DHRS7: variants seen among roughly 807,000 people sequenced by gnomAD.
The protein encoded by DHRS7 is dehydrogenase/reductase 7.
Under a neutral mutation model 38.9 loss-of-function variants are expected in DHRS7, and 34 were observed. That is an observed-to-expected ratio of 0.87 (90% confidence interval 0.66 to 1.16). The LOEUF is 1.16. Ranked by LOEUF, DHRS7 falls within the 50% of genes most tolerant of loss-of-function variation. The pLI, the probability that DHRS7 is intolerant of heterozygous loss-of-function variation, is 0.00. For synonymous variants in DHRS7, 158 were observed against 153.1 expected (o/e 1.03, Z -0.24); for missense variants, 421 against 407.0 (o/e 1.03, Z -0.30).
At chr14:60,158,202 C>T (rs2140606662) in intron 1 of DHRS7, among the ~76,000 whole-genome samples, 1 of 135,638 alleles carries the variant, frequency 7.4e-6, no homozygotes, top group African/African-American at 2.9e-5. Context: ...CACTGCACTC[C>T]AGCATGGGTG....
intron 4 of DHRS7, among the ~76,000 whole-genome samples, chr14:60,150,468 C>T (rs1029887162): frequency 1.3e-5 from 2 of 151,958 alleles, no homozygotes; most frequent in Non-Finnish European, 1.5e-5. Flanking sequence ...CGTCCCCACT[C>T]CCCCCACCCC....
rs1896838594 is a variant in DHRS7, at chr14:60,165,017, C to T, written c.133+160G>A. ...CTTTTTAGCCCTCGCCTCTTCCTCC[C>T]CAACCCGCAGCCCCTGCGTAAGGGG... On this transcript the variant is annotated intron_variant, in intron 1 of 6. Coordinates refer to ENST00000557185, the MANE Select transcript of DHRS7 (RefSeq NM_016029.4). The surrounding 1 kb of genome is among the most constrained non-coding windows in gnomAD (Gnocchi z 4.6). Among the ~76,000 whole-genome samples the T allele has an allele frequency of 6.6e-6, 1 of 152,232 alleles. No homozygotes were observed. The highest frequency in any genetic ancestry group is 1.5e-5 in the Non-Finnish European group (1 of 68,036).
intron 1 of DHRS7, among the ~76,000 whole-genome samples, chr14:60,157,524 AT>A (rs1896682293): frequency 6.6e-6 from 1 of 152,226 alleles, no homozygotes; most frequent in East Asian, 1.9e-4. Flanking sequence ...ACGTTTTTAC[AT>A]TACTTCCTAT....
intron 1 of DHRS7, among the ~76,000 whole-genome samples, chr14:60,160,596 G>C (rs936711113): frequency 3.3e-5 from 5 of 151,814 alleles, no homozygotes; most frequent in African/African-American, 9.7e-5. Context: ...GGGGGGACGG[G>C]GGGAGGGGAC....
rs1182575792 is a variant in DHRS7 at position 60,150,012 on chromosome 14, T to C, written c.756+53A>G. ...ACAGTGATACAACACCAATATATAA[T>C]GCCAATATATAACTAGTAAACATTC... On this transcript the variant is annotated intron_variant, in intron 5 of 6. Coordinates refer to ENST00000557185, the MANE Select transcript of DHRS7 (RefSeq NM_016029.4). The C allele has an allele frequency of 3.9e-6, 6 of 1,556,814 alleles. No homozygotes were observed. The South Asian group carries it at 7.2e-5, about 19-fold the overall frequency.
rs1384051805 is a variant in DHRS7, at chr14:60,145,780, G to GAT, written c.973-768_973-767insAT. 1.3e-5 allele frequency: 2 copies of GAT among 152,068 alleles called. No homozygotes were observed. The highest frequency in any genetic ancestry group is 4.8e-5 in the African/African-American group (2 of 41,428). The allele number at this position is 152,068 out of a possible 1,614,324, so 9.4% of individuals were successfully genotyped here. On this transcript the variant is annotated intron_variant, in intron 6 of 6. Coordinates refer to ENST00000557185, the MANE Select transcript of DHRS7 (RefSeq NM_016029.4). This position sits in a 1 kb window ranked among gnomAD's most constrained non-coding sequence, Gnocchi z 4.0. Reference sequence around the variant, plus strand: ...CCCCAAGATGTGATGTTTCTTTTCAGAAGATATGCATTTACCACTTTCAAA... The same window carrying GAT: ...CCCCAAGATGTGATGTTTCTTTTCAGATAAGATATGCATTTACCACTTTCAAA...
At position 60,153,790 on chromosome 14, in the gene DHRS7, C is replaced by G. The variant is rs1363806553; in HGVS notation, c.393+169G>C. Among the ~76,000 whole-genome samples the G allele has an allele frequency of 6.6e-6, 1 of 152,184 alleles. No homozygotes were observed. The highest frequency in any genetic ancestry group is 1.5e-5 in the Non-Finnish European group (1 of 68,038). ...TGTACTTGTTAAGACATGAAAAGTA[C>G]TAATTCCATAATGACAAAGGCTCAG... On this transcript the variant is annotated intron_variant, in intron 3 of 6. Transcript: ENST00000557185. This position sits in a 1 kb window ranked among gnomAD's most constrained non-coding sequence, Gnocchi z 4.4.
rs3180980 is a variant in DHRS7 at position 60,144,827 on chromosome 14, T to C, written c.*139A>G. The C allele has an allele frequency of 4.7e-5, 34 of 730,240 alleles. No individual in the cohort carries two copies. The highest frequency in any genetic ancestry group is 9.3e-5 in the Admixed American group (4 of 43,030). 45.2% of individuals were successfully genotyped at this position (730,240 alleles called of 1,614,324 possible). ...TTTTATTATTTATTTTTTATTTCATTCCATGTTGGAAGCAAAGTCATATCT... is the reference window on the plus strand; with the variant it reads ...TTTTATTATTTATTTTTTATTTCATCCCATGTTGGAAGCAAAGTCATATCT... On this transcript the variant is annotated 3_prime_UTR_variant, in exon 7 of 7. Coordinates refer to ENST00000557185, the MANE Select transcript of DHRS7 (RefSeq NM_016029.4).
upstream of DHRS7, among the ~76,000 whole-genome samples, chr14:60,168,353 G>A (rs1896892347): frequency 1.3e-5 from 2 of 152,112 alleles, no homozygotes; most frequent in South Asian, 4.1e-4. Flanking sequence ...CCATGATTTA[G>A]TAGTGGTGGT....
Position 60,150,190 on chromosome 14 carries a change from AACAG to A in DHRS7, c.634-7_634-4del. The A allele has an allele frequency of 6.7e-7, 1 of 1,486,240 alleles. No homozygotes were observed. The highest frequency in any genetic ancestry group is 8.9e-7 in the Non-Finnish European group (1 of 1,127,656). 92.1% of individuals were successfully genotyped at this position (1,486,240 alleles called of 1,614,324 possible). A position where few individuals can be genotyped will look rare whatever the true frequency, so the allele number is the denominator to read the frequency against. On this transcript the variant is annotated splice_polypyrimidine_tract_variant and splice_region_variant and intron_variant, in intron 4 of 6. Transcript: ENST00000557185. ...GTTCGAAGGCCATTAAAAAAACCCT[AACAG>A]ACAAAAAAAAAAAAAAAGGAAAAAG... is the stretch of plus-strand genomic sequence containing the variant.
chr14:60,152,698 C>T, intron 4 of DHRS7: 1 of 520,836 alleles, frequency 1.9e-6, no homozygotes, highest in Non-Finnish European at 3.4e-6. Context: ...TCCCCAGGGT[C>T]TGTTGTAGTA....
chr14:60,147,476 C>A (rs1471354844), intron 6 of DHRS7: 2 of 152,050 alleles, frequency 1.3e-5, no homozygotes, highest in East Asian at 3.9e-4. Flanking sequence ...TAGATCATCA[C>A]AATGTATACC....
Position 60,165,284 on chromosome 14 carries a change from A to G in DHRS7, c.26T>C (p.Leu9Pro). The G allele has an allele frequency of 6.3e-7, 1 of 1,597,030 alleles. No homozygotes were observed. Among genetic ancestry groups the G allele is most frequent in the Non-Finnish European group, 8.5e-7 (1 of 1,174,418 alleles). ...CAGGAGCAGCGCGCACAGCACCAGC[A>G]GCCACAGCAGCAGCTCCCAGTTCAT... MNWELLLW[L>P]LVLCALLLLL... Residue 9 changes from leucine to proline, a missense_variant, in exon 1 of 7, where the codon CTG (leucine) becomes CCG (proline). Leu to Pro is a moderately conservative substitution (Grantham distance 98). Coordinates refer to ENST00000557185, the MANE Select transcript of DHRS7 (RefSeq NM_016029.4). The surrounding 1 kb of genome is among the most constrained non-coding windows in gnomAD (Gnocchi z 4.6).
rs775737140 is a variant in DHRS7 at position 60,144,902 on chromosome 14, A to G, written c.*64T>C. ...GTCTTTGATTATTCAGAAGCATAAGAAGATTGCTGTTTTCATGTTTTCCAT... is the reference window on the plus strand; with the variant it reads ...GTCTTTGATTATTCAGAAGCATAAGGAGATTGCTGTTTTCATGTTTTCCAT... On this transcript the variant is annotated 3_prime_UTR_variant, in exon 7 of 7. Coordinates refer to ENST00000557185, the MANE Select transcript of DHRS7 (RefSeq NM_016029.4). 3.8e-6 allele frequency: 5 copies of G among 1,314,396 alleles called. No homozygotes were observed. The highest frequency in any genetic ancestry group is 5.5e-6 in the Non-Finnish European group (5 of 911,370). The allele number at this position is 1,314,396 out of a possible 1,614,324, so 81.4% of individuals were successfully genotyped here.
At chr14:60,152,869 C>T in intron 4 of DHRS7, 70 bp downstream of exon 4, 3 of 1,558,912 alleles carry the variant, frequency 1.9e-6, no homozygotes, top group Non-Finnish European at 2.6e-6. Flanking sequence ...GGACCTCACA[C>T]AGTGATGGCC....
At chr14:60,151,135 A>G (rs763613776) in intron 4 of DHRS7, among the ~76,000 whole-genome samples, 11 of 150,942 alleles carry the variant, frequency 7.3e-5, no homozygotes, top group Non-Finnish European at 1.5e-4. Context: ...TTATATTTCT[A>G]TTTTAACAGT....
Position 60,153,849 on chromosome 14 carries a change from A to T in DHRS7, c.393+110T>A. On this transcript the variant is annotated intron_variant, in intron 3 of 6. Transcript: ENST00000557185. This position sits in a 1 kb window ranked among gnomAD's most constrained non-coding sequence, Gnocchi z 4.4. ...GGGCCCAACTCATGGGCCCGATCTC[A>T]CTGCATGGACCCCACTTGCCTAAAG... 2 of 863,228 alleles carry T rather than the reference A, an allele frequency of 2.3e-6. No homozygotes were observed. Among genetic ancestry groups the T allele is most frequent in the Non-Finnish European group, 1.9e-6 (1 of 526,680 alleles). The allele number at this position is 863,228 out of a possible 1,614,324, so 53.5% of individuals were successfully genotyped here. A position where few individuals can be genotyped will look rare whatever the true frequency, so the allele number is the denominator to read the frequency against.
Position 60,153,727 on chromosome 14 carries a change from G to A in DHRS7, c.393+232C>T, listed in dbSNP as rs779831735. Among the ~76,000 whole-genome samples, 2 of 134,160 alleles carry A rather than the reference G, an allele frequency of 1.5e-5. No homozygotes were observed. Among genetic ancestry groups the A allele is most frequent in the South Asian group, 2.6e-4 (1 of 3,902 alleles). 88.0% of individuals were successfully genotyped at this position (134,160 alleles called of 152,430 possible). On this transcript the variant is annotated intron_variant, in intron 3 of 6. Coordinates refer to ENST00000557185, the MANE Select transcript of DHRS7 (RefSeq NM_016029.4). The surrounding 1 kb of genome is among the most constrained non-coding windows in gnomAD (Gnocchi z 4.4). Reference sequence around the variant, plus strand: ...CATAAATAAATAAATAAAAGCAGCCGTGAATTTTTAGCTTCTTTTGTTCTA... The same window carrying A: ...CATAAATAAATAAATAAAAGCAGCCATGAATTTTTAGCTTCTTTTGTTCTA...
At chr14:60,150,262 G>A in intron 4 of DHRS7, 75 bp from the exon 5 acceptor site, 4 of 1,334,962 alleles carry the variant, frequency 3.0e-6, no homozygotes, top group Non-Finnish European at 4.0e-6. Flanking sequence ...ATCAAAATAT[G>A]TTCTAAAATG....
Sources: allele counts gnomAD v4.1 joint callset (sites outside exome capture counted in the v4.1 genomes callset), GRCh38; gene constraint gnomAD v4.1.1; non-coding constraint Gnocchi (gnomAD v3.1); transcripts MANE v1.5; gene names NCBI Gene and HGNC (gene_info 2026-07-23, HGNC 2026-07-21).